Variants in CNTN3 observed in about 807,000 individuals in gnomAD.
CNTN3 encodes contactin-3.
In CNTN3, 60 loss-of-function variants were observed where a neutral mutation model predicts 119.1. The observed-to-expected ratio is 0.50, with a 90% CI of 0.41 to 0.62. The LOEUF (loss-of-function observed/expected upper bound fraction) is 0.62, where lower values mean the gene tolerates loss of function less well. CNTN3 is among the 20% of genes least tolerant of loss of function. CNTN3 has a pLI of 0.00. For missense variants in CNTN3, 1,101 were observed against 1,242.4 expected (o/e 0.89, Z 1.71); for synonymous variants, 450 against 438.7 (o/e 1.03, Z -0.32).
Position 74,371,263 on chromosome 3 carries a change from C to T in CNTN3, c.591G>A (p.Val197=), listed in dbSNP as rs1177009805. 6.2e-7 allele frequency: 1 copy of T among 1,613,492 alleles called. No individual in the cohort carries two copies. Residue 197 remains valine, a synonymous_variant, in exon 6 of 23, where the codon GTG becomes GTA. Transcript: ENST00000263665. ...GGGCATTTGTCACCATACTTGTCACCACACATGTGTAATTTCCCACATCAG... is the reference window on the plus strand; with the variant it reads ...GGGCATTTGTCACCATACTTGTCACTACACATGTGTAATTTCCCACATCAG... ...EPSDVGNYTC[V]VTSMVTNARV...
At chr3:74,382,028 G>C (rs1328860322) in intron 5 of CNTN3, among the ~76,000 whole-genome samples, 1 of 152,022 alleles carries the variant, frequency 6.6e-6, no homozygotes, top group African/African-American at 2.4e-5. Context: ...AACCAACATG[G>C]AGAAACCACG....
chr3:74,321,085 G>A (rs766320033), intron 13 of CNTN3, among the ~76,000 whole-genome samples: 4 of 152,032 alleles, frequency 2.6e-5, no homozygotes, highest in Non-Finnish European at 5.9e-5. Flanking sequence ...TAAACACTGG[G>A]TATACATGAA....
intron 11 of CNTN3, 94 bp from the exon 12 acceptor site, chr3:74,336,752 T>A (rs1703405042): frequency 9.7e-7 from 1 of 1,033,708 alleles, no homozygotes. Flanking sequence ...TGCCTTAAGC[T>A]AGTATTTTTA....
intron 1 of CNTN3, among the ~76,000 whole-genome samples, chr3:74,562,493 T>C: frequency 6.6e-6 from 1 of 152,138 alleles, no homozygotes; most frequent in Non-Finnish European, 1.5e-5. Flanking sequence ...TTATTGAAAA[T>C]AATTAAGGCT....
chr3:74,613,737 T>C (rs1240949761), intron 1 of CNTN3, among the ~76,000 whole-genome samples: 1 of 152,172 alleles, frequency 6.6e-6, no homozygotes, highest in African/African-American at 2.4e-5. Context: ...CTGTTTCTGC[T>C]ATTCTGTTAC....
chr3:74,390,052 G>A (rs1289849704), intron 5 of CNTN3, among the ~76,000 whole-genome samples: 3 of 152,154 alleles, frequency 2.0e-5, no homozygotes, highest in Non-Finnish European at 4.4e-5. Context: ...CCATTCAGAT[G>A]CCTCCATCAC....
At chr3:74,483,109 T>C (rs1007466318) in intron 4 of CNTN3, among the ~76,000 whole-genome samples, 6 of 151,970 alleles carry the variant, frequency 3.9e-5, no homozygotes, top group African/African-American at 1.4e-4. Context: ...ACACCAAAAA[T>C]GCAGAACAAA....
intron 2 of CNTN3, among the ~76,000 whole-genome samples, chr3:74,510,717 C>T (rs563479883): frequency 2.6e-5 from 4 of 152,152 alleles, no homozygotes; most frequent in South Asian, 2.1e-4. Context: ...ACTATTCCTA[C>T]GGAATGTATC....
chr3:74,285,787 GGA>G (rs1575697836), intron 19 of CNTN3, among the ~76,000 whole-genome samples: 7 of 67,792 alleles, frequency 1.0e-4, no homozygotes, highest in East Asian at 1.2e-3. Flanking sequence ...AGAATGAAGG[GGA>G]GATATATATA....
chr3:74,404,873 C>T (rs1705286928), intron 5 of CNTN3, among the ~76,000 whole-genome samples: 1 of 151,930 alleles, frequency 6.6e-6, no homozygotes, highest in Non-Finnish European at 1.5e-5. Context: ...TCAAGAGCAC[C>T]AGTGGTAGGG....
chr3:74,536,997 AAC>A (rs10663609), intron 1 of CNTN3, among the ~76,000 whole-genome samples: 1 of 150,530 alleles, frequency 6.6e-6, no homozygotes, highest in Admixed American at 6.6e-5. Flanking sequence ...TTTCATTTAA[AAC>A]ACACACACAC....
intron 13 of CNTN3, 49 bp from the exon 14 acceptor site, chr3:74,302,856 C>T (rs1485132434): frequency 7.0e-6 from 9 of 1,288,086 alleles, no homozygotes; most frequent in African/African-American, 1.5e-5. Context: ...TTAAAAAACA[C>T]AAAGAAGTTT....
chr3:74,569,298 C>T (rs1371234253), intron 1 of CNTN3, among the ~76,000 whole-genome samples: 1 of 152,088 alleles, frequency 6.6e-6, no homozygotes, highest in East Asian at 1.9e-4. Flanking sequence ...GACCCAAAGC[C>T]GATGGCTGAT....
chr3:74,369,914 T>C lies in CNTN3; in HGVS notation c.736A>G (p.Lys246Glu), dbSNP rs62620465. 19,059 of 1,606,174 alleles carry C rather than the reference T, an allele frequency of 0.012. 1,768 individuals are homozygous for C. The African/African-American group carries it at 0.21, about 17-fold the overall frequency. The stretch of plus-strand genomic sequence containing the variant: ...TTTCCAAGGGCAAAACATTCCAATT[T>C]CACAGTCGAACCTTTAGCTGCTGGA... The part of the protein sequence containing the change: ...TLPAAKGSTV[K>E]LECFALGNPI... Residue 246 changes from lysine (K) to glutamate (E), a missense_variant, in exon 7 of 23, where the codon AAA (lysine) becomes GAA (glutamate). By Grantham distance (56) the Lys-to-Glu change is moderately conservative. Coordinates refer to ENST00000263665, the MANE Select transcript of CNTN3 (RefSeq NM_020872.3).
At chr3:74,583,883 T>C (rs750201285) in intron 1 of CNTN3, among the ~76,000 whole-genome samples, 1 of 152,214 alleles carries the variant, frequency 6.6e-6, no homozygotes, top group Admixed American at 6.5e-5. Context: ...GTTCCAAGCA[T>C]AGGCTTTATA....
Position 74,266,495 on chromosome 3 carries a change from A to C in CNTN3, c.2972T>G (p.Ile991Ser), listed in dbSNP as rs1234440050. 9 of 1,613,144 alleles carry C rather than the reference A, an allele frequency of 5.6e-6. No homozygotes were observed. Among genetic ancestry groups the C allele is most frequent in the Non-Finnish European group, 7.6e-6 (9 of 1,179,414 alleles). ...GDGTSSEQIRIPRITSMDARG... is the reference protein window; with the variant it reads ...GDGTSSEQIRSPRITSMDARG... ...AACCAACTTACTGGTTATTCGTGGAATCCTGATCTGTTCACTACTGGTCCC... is the reference window on the plus strand; with the variant it reads ...AACCAACTTACTGGTTATTCGTGGACTCCTGATCTGTTCACTACTGGTCCC... The change falls in exon 22 of 23, where the codon ATT becomes AGT. Residue 991 changes from isoleucine (I) to serine (S), a missense_variant. Coordinates refer to ENST00000263665, the MANE Select transcript of CNTN3 (RefSeq NM_020872.3).
intron 1 of CNTN3, among the ~76,000 whole-genome samples, chr3:74,601,415 G>A (rs1288026600): frequency 4.6e-5 from 7 of 152,052 alleles, no homozygotes; most frequent in African/African-American, 7.2e-5. Context: ...TTAATTGAAC[G>A]GTACACTCTT....
At chr3:74,552,926 A>G (rs1704013064) in intron 1 of CNTN3, among the ~76,000 whole-genome samples, 1 of 152,120 alleles carries the variant, frequency 6.6e-6, no homozygotes, top group Admixed American at 6.5e-5. Flanking sequence ...TGAGTCAATT[A>G]AACCTCACTC....
intron 20 of CNTN3, among the ~76,000 whole-genome samples, chr3:74,271,920 T>C (rs1701785872): frequency 6.6e-6 from 1 of 152,238 alleles, no homozygotes; most frequent in African/African-American, 2.4e-5. Flanking sequence ...CAAAATCATC[T>C]ACTTTTTAAC....
Sources: gnomAD v4.1 joint callset for allele counts (sites outside exome capture counted in the v4.1 genomes callset) on GRCh38, gnomAD v4.1.1 for gene constraint, MANE v1.5 for transcripts, NCBI Gene and HGNC (gene_info 2026-07-23, HGNC 2026-07-21) for gene names.